The following TMC1 variants were observed in gnomAD, a reference collection of about 807,000 sequenced individuals.
TMC1 encodes the protein transmembrane channel like 1, also known as transmembrane channel-like protein 1.
A neutral mutation model predicts 105.8 loss-of-function variants in TMC1; 84 were observed. The ratio of observed to expected loss-of-function variants is 0.79; its 90% confidence interval spans 0.67 to 0.95. TMC1 has a LOEUF of 0.95. Ranked by LOEUF, TMC1 falls within the 40% of genes least tolerant of loss-of-function variation. The pLI, the probability that TMC1 is intolerant of heterozygous loss-of-function variation, is 0.00. For synonymous variants in TMC1, 315 were observed against 311.5 expected, an observed-to-expected ratio of 1.01 and a Z score of -0.12; for missense variants, 817 against 914.1, an observed-to-expected ratio of 0.89 and a Z score of 1.37.
rs1313886386 is a variant in TMC1 at position 72,792,351 on chromosome 9, A to T, written c.1565A>T (p.Gln522Leu). Reference protein sequence around the residue: ...RGPCWETMVGQEFVRLTVSDV... With the variant: ...RGPCWETMVGLEFVRLTVSDV... ...CCTTGCTGGGAAACAATGGTGGGAC[A>T]GGTAATGCCACCAACAGAAGTGTAT... The change falls in exon 17 of 24, where the codon CAG becomes CTG. Residue 522 changes from glutamine (Q) to leucine (L), a missense_variant and splice_region_variant. Transcript: ENST00000297784. 1 of 1,614,020 alleles carries T rather than the reference A, an allele frequency of 6.2e-7. No homozygotes were observed. The highest frequency in any genetic ancestry group is 8.5e-7 in the Non-Finnish European group (1 of 1,179,980).
rs559342745 is a variant in TMC1 at position 72,673,095 on chromosome 9, TATC to T, written c.17-15611_17-15609del. Among the ~76,000 whole-genome samples the T allele has an allele frequency of 5.1e-4, 77 of 152,274 alleles. No homozygotes were observed. In the South Asian group the frequency reaches 0.016, roughly 31 times the overall value. ...AAATCCCCAAATATTTGGTAACTAA[TATC>T]ATACTTCTAAATGACCCAGGGTCAA... On this transcript the variant is annotated intron_variant, in intron 5 of 23. Transcript: ENST00000297784.
chr9:72,557,337 C>T (rs923390714), intron 1 of TMC1, among the ~76,000 whole-genome samples: 2 of 152,168 alleles, frequency 1.3e-5, no homozygotes, highest in African/African-American at 4.8e-5. Flanking sequence ...TGCCACTGCA[C>T]TCCAGCCTGG....
intron 17 of TMC1, among the ~76,000 whole-genome samples, chr9:72,794,637 T>C (rs1338839232): frequency 6.6e-6 from 1 of 152,190 alleles, no homozygotes; most frequent in Admixed American, 6.5e-5. Flanking sequence ...GTATTCAATC[T>C]ACATTGCAGT....
At chr9:72,631,070 G>A (rs1825441031) in intron 4 of TMC1, among the ~76,000 whole-genome samples, 1 of 152,046 alleles carries the variant, frequency 6.6e-6, no homozygotes, top group Non-Finnish European at 1.5e-5. Flanking sequence ...GTTTCACTAT[G>A]TTGGTCAGGC....
At chr9:72,533,544 G>A (rs1159451637) in intron 1 of TMC1, among the ~76,000 whole-genome samples, 1 of 152,178 alleles carries the variant, frequency 6.6e-6, no homozygotes, top group African/African-American at 2.4e-5. Flanking sequence ...AGGAGATGCA[G>A]TCCACACAAC....
chr9:72,555,973 C>CAAAAAAAAAAA (rs59431883), intron 1 of TMC1, among the ~76,000 whole-genome samples: 1 of 42,578 alleles, frequency 2.3e-5, no homozygotes, highest in African/African-American at 9.5e-5. Flanking sequence ...ATGACTAAGG[C>CAAAAAAAAAAA]AAAAAAAAAA....
chr9:72,755,116 A>G (rs12349763), intron 12 of TMC1, among the ~76,000 whole-genome samples: 11 of 144,692 alleles, frequency 7.6e-5, no homozygotes, highest in South Asian at 2.3e-4. Context: ...AAGAAAGAGA[A>G]AGAAAGAAAG....
At chr9:72,661,190 T>G (rs1825965526) in intron 5 of TMC1, among the ~76,000 whole-genome samples, 1 of 152,126 alleles carries the variant, frequency 6.6e-6, no homozygotes. Flanking sequence ...GATTGGGAGT[T>G]AAAATTATGC....
At position 72,742,487 on chromosome 9, in the gene TMC1, C is replaced by T. The variant is rs765885670; in HGVS notation, c.497C>T (p.Ala166Val). 6.2e-6 allele frequency: 10 copies of T among 1,613,934 alleles called. No homozygotes were observed. The highest frequency in any genetic ancestry group is 1.6e-4 in the Middle Eastern group (1 of 6,084). The change falls in exon 10 of 24, where the codon GCG (alanine) becomes GTG (valine). Residue 166 changes from alanine (A) to valine (V), a missense_variant. Coordinates refer to ENST00000297784, the MANE Select transcript of TMC1 (RefSeq NM_138691.3). ...CGTGATTTTGAGAACTTCAAAGCTG[C>T]GTGTGTCCCATGGGAAAATAAAATC... ...FLRDFENFKAACVPWENKIKA... is the reference protein window; with the variant it reads ...FLRDFENFKAVCVPWENKIKA...
At chr9:72,794,486 A>G (rs1564559554) in intron 17 of TMC1, among the ~76,000 whole-genome samples, 1 of 152,176 alleles carries the variant, frequency 6.6e-6, no homozygotes, top group Non-Finnish European at 1.5e-5. Context: ...CTACTGGATC[A>G]CATTCCCCAA....
At chr9:72,569,757 C>A (rs1055027781) in intron 1 of TMC1, among the ~76,000 whole-genome samples, 2 of 152,174 alleles carry the variant, frequency 1.3e-5, no homozygotes, top group African/African-American at 4.8e-5. Flanking sequence ...AAAGAGATGG[C>A]ATTCTATCTT....
intron 14 of TMC1, 33 bp downstream of exon 14, chr9:72,788,516 G>A (rs377532856): frequency 1.8e-4 from 287 of 1,611,576 alleles, no homozygotes; most frequent in Non-Finnish European, 2.3e-4. Flanking sequence ...CCTGCTGTTT[G>A]TATTTCTAAG....
chr9:72,639,410 GA>G (rs549634468), intron 4 of TMC1, among the ~76,000 whole-genome samples: 33 of 152,116 alleles, frequency 2.2e-4, no homozygotes, highest in African/African-American at 7.2e-4. Flanking sequence ...CTAATCTCTT[GA>G]TTTTTTTTAT....
intron 5 of TMC1, among the ~76,000 whole-genome samples, chr9:72,649,334 A>G (rs1825764218): frequency 6.6e-6 from 1 of 152,190 alleles, no homozygotes; most frequent in Admixed American, 6.5e-5. Context: ...TCAGTTCCCT[A>G]AAGACAAACT....
At chr9:72,786,491 C>G (rs535488909) in intron 13 of TMC1, among the ~76,000 whole-genome samples, 3 of 152,196 alleles carry the variant, frequency 2.0e-5, no homozygotes, top group Middle Eastern at 3.4e-3. Context: ...AAAGAAACAC[C>G]TTAGGCAACA....
rs558774941 is a variant in TMC1 at position 72,692,034 on chromosome 9, C to T, written c.65-2509C>T. On this transcript the variant is annotated intron_variant, in intron 6 of 23. Transcript: ENST00000297784. Reference sequence around the variant, plus strand: ...TAGAAAAGTTGGAGTGTTAGATGCACTATCCAACTGTTTTTCTCCCCAGAG... The same window carrying T: ...TAGAAAAGTTGGAGTGTTAGATGCATTATCCAACTGTTTTTCTCCCCAGAG... Among the ~76,000 whole-genome samples the T allele has an allele frequency of 6.6e-5, 10 of 152,284 alleles. No homozygotes were observed. The East Asian group carries it at 1.9e-3, about 29-fold the overall frequency.
intron 5 of TMC1, among the ~76,000 whole-genome samples, chr9:72,675,870 C>T (rs1345019910): frequency 6.6e-6 from 1 of 152,134 alleles, no homozygotes; most frequent in Non-Finnish European, 1.5e-5. Context: ...AATTCTGAAG[C>T]TGGCTGAGAG....
chr9:72,801,838 T>C (rs1428819285), intron 17 of TMC1, among the ~76,000 whole-genome samples: 1 of 152,210 alleles, frequency 6.6e-6, no homozygotes, highest in Admixed American at 6.5e-5. Context: ...TTTCCTATGG[T>C]ATATGAATAA....
rs935162720 is a variant in TMC1 at position 72,598,439 on chromosome 9, G to GT, written c.-305-17916dup. Among the ~76,000 whole-genome samples the GT allele has an allele frequency of 3.5e-3, 519 of 146,440 alleles. 1 individual carries two copies. Among genetic ancestry groups the GT allele is most frequent in the Middle Eastern group, 7.0e-3 (2 of 286 alleles). ...TATGGTCAGCTTTGATTCAAAGTAA[G>GT]TTTTTTTTTTTTTCTCCCTTAGGAG... is the stretch of plus-strand genomic sequence containing the variant. On this transcript the variant is annotated intron_variant, in intron 2 of 23. Coordinates refer to ENST00000297784, the MANE Select transcript of TMC1 (RefSeq NM_138691.3).
Sources: gnomAD v4.1 joint callset for allele counts (sites outside exome capture counted in the v4.1 genomes callset) on GRCh38, gnomAD v4.1.1 for gene constraint, MANE v1.5 for transcripts, NCBI Gene and HGNC (gene_info 2026-07-23, HGNC 2026-07-21) for gene names.